GRIP1: variants seen among roughly 807,000 people sequenced by gnomAD.
GRIP1 encodes the protein glutamate receptor interacting protein 1, also known as glutamate receptor-interacting protein 1.
GRIP1 carries 45 observed loss-of-function variants against 129.9 expected under a neutral mutation model. The ratio of observed to expected loss-of-function variants is 0.35; its 90% CI spans 0.27 to 0.44. The LOEUF is 0.44. Among genes scored for constraint, GRIP1 ranks in the 20% least tolerant of loss-of-function variants. The pLI is 1.00. For synonymous variants in GRIP1, 530 were observed against 520.8 expected (o/e 1.02, Z -0.24); for missense variants, 1,196 against 1,396.8 (o/e 0.86, Z 2.29).
chr12:66,462,481 G>A (rs1014883018), intron 9 of GRIP1, among the ~76,000 whole-genome samples: 4 of 152,218 alleles, frequency 2.6e-5, no homozygotes, highest in Non-Finnish European at 4.4e-5. Context: ...ATATCAAATA[G>A]CACTAGCCTG....
At chr12:66,922,899 A>G (rs147224820) in intron 1 of GRIP1, among the ~76,000 whole-genome samples, 70 of 152,328 alleles carry the variant, frequency 4.6e-4, no homozygotes, top group African/African-American at 1.5e-3. Flanking sequence ...GGCATATAAT[A>G]AATATGTGCT....
rs118006845 is a variant in GRIP1 at position 66,812,090 on chromosome 12, A to G, written c.59-215163T>C. ...AGATTTTTTAACAGCCATTTATCCA[A>G]TTTGAGTTATCCAGCATTTCTGCCT... On this transcript the variant is annotated intron_variant, in intron 1 of 1. Coordinates refer to the GRIP1 transcript ENST00000643019. Among the ~76,000 whole-genome samples the G allele has an allele frequency of 9.5e-3, 1,442 of 152,244 alleles. 15 individuals carry two copies. Among genetic ancestry groups the G allele is most frequent in the Non-Finnish European group, 0.015 (1,043 of 67,998 alleles).
chr12:66,412,977 T>C (rs2057456261), intron 15 of GRIP1, among the ~76,000 whole-genome samples: 1 of 152,128 alleles, frequency 6.6e-6, no homozygotes, highest in African/African-American at 2.4e-5. Flanking sequence ...TAGAGACCTA[T>C]GAAGAAACTT....
chr12:66,785,339 CATACATATAT>C (rs1477841497), intron 1 of GRIP1, among the ~76,000 whole-genome samples: 1 of 36,458 alleles, frequency 2.7e-5, no homozygotes, highest in Non-Finnish European at 6.1e-5. Flanking sequence ...TACATACATA[CATACATATAT>C]ATATATATAT....
chr12:66,499,109 T>A (rs2138751728), intron 7 of GRIP1, among the ~76,000 whole-genome samples: 1 of 152,316 alleles, frequency 6.6e-6, no homozygotes, highest in Middle Eastern at 3.4e-3. Flanking sequence ...ATGAAGCCTA[T>A]TATGCTCTGT....
intron 1 of GRIP1, among the ~76,000 whole-genome samples, chr12:66,880,480 C>T (rs574018449): frequency 6.6e-6 from 1 of 152,084 alleles, no homozygotes; most frequent in East Asian, 1.9e-4. Context: ...TGGGAGATCC[C>T]TGTCACTCCT....
Position 66,717,834 on chromosome 12 carries a change from G to A in GRIP1, c.-420+86219C>T, listed in dbSNP as rs185821992. 7.2e-5 allele frequency among the ~76,000 whole-genome samples: 11 copies of A among 152,184 alleles called. No homozygotes were observed. The East Asian group carries it at 2.1e-3, about 29-fold the overall frequency. The stretch of plus-strand genomic sequence containing the variant: ...TTTAAATCTTACTGGTGTTCTAGAG[G>A]AAGTCTCTCATTTCTGTGTTTTGGT... On this transcript the variant is annotated intron_variant, in intron 1 of 4. Coordinates refer to the GRIP1 transcript ENST00000538373.
intron 8 of GRIP1, 37 bp from the exon 9 acceptor site, chr12:66,463,130 C>T (rs2059183890): frequency 1.9e-6 from 3 of 1,560,782 alleles, no homozygotes; most frequent in Non-Finnish European, 2.6e-6. Flanking sequence ...GAGGCAGTGC[C>T]TTCCTCTTTG....
intron 14 of GRIP1, among the ~76,000 whole-genome samples, chr12:66,426,447 A>C (rs1234843389): frequency 2.0e-5 from 3 of 151,780 alleles, no homozygotes; most frequent in Non-Finnish European, 4.4e-5. Flanking sequence ...TCCCCCTCTG[A>C]ATGTCATTTT....
intron 1 of GRIP1, among the ~76,000 whole-genome samples, chr12:67,006,925 T>C (rs1396004608): frequency 2.0e-5 from 3 of 152,250 alleles, no homozygotes; most frequent in Admixed American, 2.0e-4. Flanking sequence ...GGCCAATCAC[T>C]GCTCACCTTC....
intron 14 of GRIP1, among the ~76,000 whole-genome samples, chr12:66,425,716 G>A (rs1373678434): frequency 8.1e-5 from 12 of 148,400 alleles, no homozygotes; most frequent in Admixed American, 5.4e-4. Context: ...GCAAACTATC[G>A]CAAGGACAAA....
Position 66,477,613 on chromosome 12 carries a change from A to C in GRIP1, c.725-12191T>G, listed in dbSNP as rs186890367. 7.9e-5 allele frequency among the ~76,000 whole-genome samples: 12 copies of C among 152,354 alleles called. No homozygotes were observed. The East Asian group carries it at 2.3e-3, about 29-fold the overall frequency. Reference sequence around the variant, plus strand: ...AGAACAAAGCTGGAGGCATCACGCTATCTGACTTCAAACTATACTACAAGG... The same window carrying C: ...AGAACAAAGCTGGAGGCATCACGCTCTCTGACTTCAAACTATACTACAAGG... On this transcript the variant is annotated intron_variant, in intron 7 of 24. Transcript: ENST00000359742.
At chr12:66,713,230 A>C (rs1210905187) in intron 1 of GRIP1, among the ~76,000 whole-genome samples, 1 of 152,034 alleles carries the variant, frequency 6.6e-6, no homozygotes, top group Non-Finnish European at 1.5e-5. Flanking sequence ...GTTTACTCAG[A>C]GCCAAAGCAG....
intron 1 of GRIP1, among the ~76,000 whole-genome samples, chr12:66,718,740 TACTCTG>T (rs2035969076): frequency 2.0e-5 from 3 of 152,068 alleles, no homozygotes; most frequent in Non-Finnish European, 4.4e-5. Flanking sequence ...TAATCCCAGC[TACTCTG>T]GAGGCTGAGG....
At chr12:66,790,828 C>T (rs78312002) in intron 1 of GRIP1, among the ~76,000 whole-genome samples, 2,035 of 151,874 alleles carry the variant, frequency 0.013, 52 homozygotes, top group African/African-American at 0.045. Context: ...ACGAGGGAGG[C>T]GGAGATAGCC....
chr12:66,407,095 T>C (rs1173014180), intron 15 of GRIP1, among the ~76,000 whole-genome samples: 1 of 152,234 alleles, frequency 6.6e-6, no homozygotes, highest in African/African-American at 2.4e-5. Flanking sequence ...TATGTATATA[T>C]ACACAGATTT....
intron 1 of GRIP1, among the ~76,000 whole-genome samples, chr12:66,979,253 A>AAAAAAAAAAC (rs1566104110): frequency 7.4e-6 from 1 of 134,824 alleles, no homozygotes; most frequent in East Asian, 2.0e-4. Context: ...AAAAAAAAAA[A>AAAAAAAAAAC]ACAAGCCCGT....
chr12:66,955,419 T>C (rs1393111496), intron 1 of GRIP1, among the ~76,000 whole-genome samples: 1 of 151,902 alleles, frequency 6.6e-6, no homozygotes, highest in Non-Finnish European at 1.5e-5. Flanking sequence ...TTTCAAATAA[T>C]AGCACCTTCA....
At chr12:66,440,130 T>C (rs923294569) in intron 13 of GRIP1, among the ~76,000 whole-genome samples, 28 of 152,338 alleles carry the variant, frequency 1.8e-4, no homozygotes, top group Middle Eastern at 3.4e-3. Flanking sequence ...TAAAAATGTA[T>C]TTATATTCTC....
Sources: allele counts gnomAD v4.1 joint callset (sites outside exome capture counted in the v4.1 genomes callset), GRCh38; gene constraint gnomAD v4.1.1; transcripts MANE v1.5; gene names NCBI Gene and HGNC (gene_info 2026-07-23, HGNC 2026-07-21).